ACOT13: variants seen among roughly 807,000 people sequenced by gnomAD.
The protein encoded by ACOT13 is acyl-coenzyme A thioesterase 13.
Under a neutral mutation model 11.8 loss-of-function variants are expected in ACOT13, and 10 were observed. The observed-to-expected ratio is 0.85, with a 90% CI of 0.53 to 1.44. The LOEUF (loss-of-function observed/expected upper bound fraction) is 1.44, where lower values mean the gene tolerates loss of function less well. Ranked by LOEUF, ACOT13 falls within the 40% of genes most tolerant of loss-of-function variation. ACOT13 has a pLI of 0.00. For missense variants in ACOT13, 172 were observed against 174.1 expected, an observed-to-expected ratio of 0.99 and a Z score of 0.07; for synonymous variants, 53 against 61.0, an observed-to-expected ratio of 0.87 and a Z score of 0.61.
chr6:24,689,206 C>CT (rs1315300599), intron 1 of ACOT13, among the ~76,000 whole-genome samples: 1 of 151,632 alleles, frequency 6.6e-6, no homozygotes, highest in Non-Finnish European at 1.5e-5. Flanking sequence ...ACCCAGCTAT[C>CT]TAATTTTGTC....
chr6:24,696,632 C>G (rs1268905875), intron 1 of ACOT13, among the ~76,000 whole-genome samples: 1 of 152,186 alleles, frequency 6.6e-6, no homozygotes, highest in Non-Finnish European at 1.5e-5. Flanking sequence ...GTTTTGGATG[C>G]AGCACATTCC....
Position 24,701,550 on chromosome 6 carries a change from C to G in ACOT13, c.358C>G (p.Leu120Val). 1 of 1,613,902 alleles carries G rather than the reference C, an allele frequency of 6.2e-7. No individual in the cohort carries two copies. ...GKTLAFTSVD[L>V]TNKATGKLIA... ...AACACTTGCATTTACCTCTGTGGAT[C>G]TGACCAACAAGGCCACAGGAAAATT... The change falls in exon 3 of 3, where the codon CTG becomes GTG. Residue 120 changes from leucine (L) to valine (V), a missense_variant. Coordinates refer to ENST00000230048, the MANE Select transcript of ACOT13 (RefSeq NM_018473.4).
Position 24,686,810 on chromosome 6 carries a change from CCTT to C in ACOT13, c.82-11072_82-11070del, listed in dbSNP as rs1778639045. ...CAACCTCCTGGGCTCAAGCAATCCT[CCTT>C]GTCTCAGCCTCCCATGTAGCTGGGA... On this transcript the variant is annotated intron_variant, in intron 1 of 2. Transcript: ENST00000230048. 2.0e-5 allele frequency among the ~76,000 whole-genome samples: 3 copies of C among 152,218 alleles called. No individual in the cohort carries two copies. In the East Asian group the frequency reaches 5.8e-4, roughly 29 times the overall value.
chr6:24,687,988 C>T, intron 1 of ACOT13, among the ~76,000 whole-genome samples: 1 of 151,914 alleles, frequency 6.6e-6, no homozygotes, highest in Non-Finnish European at 1.5e-5. Context: ...GCTAGGATTA[C>T]AGGTGTGAGC....
At chr6:24,669,212 A>G (rs1582430987) in intron 1 of ACOT13, among the ~76,000 whole-genome samples, 2 of 152,372 alleles carry the variant, frequency 1.3e-5, no homozygotes, top group African/African-American at 2.4e-5. Context: ...CAAGGTGGTC[A>G]GAGCACAGCT....
chr6:24,702,982 G>A lies in ACOT13; in HGVS notation c.*1367G>A, dbSNP rs1778919042. 6.6e-6 allele frequency: 1 copy of A among 152,206 alleles called. No homozygotes were observed. The highest frequency in any genetic ancestry group is 6.5e-5 in the Admixed American group (1 of 15,288). The allele number at this position is 152,206 out of a possible 1,614,324, so 9.4% of individuals were successfully genotyped here. A position where few individuals can be genotyped will look rare whatever the true frequency, so the allele number is the denominator to read the frequency against. ...GCTTCCCATAGCCTCAAAATCCCAG[G>A]CTCAAGACATTCTTCCACCTCAGTC... On this transcript the variant is annotated 3_prime_UTR_variant, in exon 3 of 3. Coordinates refer to ENST00000230048, the MANE Select transcript of ACOT13 (RefSeq NM_018473.4).
intron 1 of ACOT13, among the ~76,000 whole-genome samples, chr6:24,689,326 C>T (rs1034034659): frequency 9.9e-5 from 15 of 151,836 alleles, no homozygotes; most frequent in Admixed American, 7.9e-4. Flanking sequence ...TAGGGAATAC[C>T]ACACAGCTAT....
intron 1 of ACOT13, among the ~76,000 whole-genome samples, chr6:24,695,103 G>A (rs559653709): frequency 6.6e-6 from 1 of 152,250 alleles, no homozygotes; most frequent in South Asian, 2.1e-4. Context: ...GAGGTCAAGA[G>A]TTCAAGACCA....
chr6:24,701,455 C>A lies in ACOT13; in HGVS notation c.267-4C>A. Reference sequence around the variant, plus strand: ...GCTGTTAACTATATTCATTTTCTTTCAAGGTACATGTCACCTGCAAAATTA... The same window carrying A: ...GCTGTTAACTATATTCATTTTCTTTAAAGGTACATGTCACCTGCAAAATTA... On this transcript the variant is annotated splice_polypyrimidine_tract_variant and splice_region_variant and intron_variant, in intron 2 of 2. Transcript: ENST00000230048. 6.3e-7 allele frequency: 1 copy of A among 1,598,254 alleles called. No homozygotes were observed. The highest frequency in any genetic ancestry group is 1.7e-5 in the Admixed American group (1 of 57,314).
In ACOT13 at chr6:24,704,130, T is replaced by C. The variant is rs1051756495; in HGVS notation, c.*2515T>C. ...GAGTTTGGTAATTTTACTCTAGTTA[T>C]ATGAAATATTCTTGTACTTGGAACA... On this transcript the variant is annotated 3_prime_UTR_variant, in exon 3 of 3. Coordinates refer to ENST00000230048, the MANE Select transcript of ACOT13 (RefSeq NM_018473.4). 2.0e-5 allele frequency: 3 copies of C among 152,192 alleles called. No homozygotes were observed. Among genetic ancestry groups the C allele is most frequent in the African/African-American group, 7.2e-5 (3 of 41,440 alleles). 9.4% of individuals were successfully genotyped at this position (152,192 alleles called of 1,614,324 possible). A position where few individuals can be genotyped will look rare whatever the true frequency, so the allele number is the denominator to read the frequency against.
At chr6:24,680,532 C>T (rs1778530131) in intron 1 of ACOT13, among the ~76,000 whole-genome samples, 1 of 152,112 alleles carries the variant, frequency 6.6e-6, no homozygotes. Context: ...GGGTGCGTAA[C>T]CACCCATGGA....
At chr6:24,684,512 G>A (rs1778599298) in intron 1 of ACOT13, among the ~76,000 whole-genome samples, 1 of 151,464 alleles carries the variant, frequency 6.6e-6, no homozygotes, top group South Asian at 2.1e-4. Context: ...GGCAGTGATG[G>A]TAACTTGCCT....
rs1406325902 is a variant in ACOT13 at position 24,701,810 on chromosome 6, C to A, written c.*195C>A. 1 of 498,392 alleles carries A rather than the reference C, an allele frequency of 2.0e-6. No homozygotes were observed. Among genetic ancestry groups the A allele is most frequent in the Non-Finnish European group, 3.4e-6 (1 of 294,104 alleles). The allele number at this position is 498,392 out of a possible 1,614,324, so 30.9% of individuals were successfully genotyped here. A position where few individuals can be genotyped will look rare whatever the true frequency, so the allele number is the denominator to read the frequency against. On this transcript the variant is annotated 3_prime_UTR_variant, in exon 3 of 3. Transcript: ENST00000230048. ...CACTTTAAGCATCTTGTTTTCTAAT[C>A]ATGTGTGATAATTGGGTGAAAAATT...
In ACOT13 at chr6:24,704,066, C is replaced by T. The variant is rs773269931; in HGVS notation, c.*2451C>T. 6.6e-6 allele frequency: 1 copy of T among 152,020 alleles called. No individual in the cohort carries two copies. The highest frequency in any genetic ancestry group is 1.5e-5 in the Non-Finnish European group (1 of 68,006). The allele number at this position is 152,020 out of a possible 1,614,324, so 9.4% of individuals were successfully genotyped here. A position where few individuals can be genotyped will look rare whatever the true frequency, so the allele number is the denominator to read the frequency against. The stretch of plus-strand genomic sequence containing the variant: ...CAAGCTACCAAGGATACTGGGACAA[C>T]AAAACGAATATGGATGATAAAGAGT... On this transcript the variant is annotated 3_prime_UTR_variant, in exon 3 of 3. Coordinates refer to ENST00000230048, the MANE Select transcript of ACOT13 (RefSeq NM_018473.4).
chr6:24,692,629 G>A (rs1778735007), intron 1 of ACOT13, among the ~76,000 whole-genome samples: 1 of 152,010 alleles, frequency 6.6e-6, no homozygotes, highest in Non-Finnish European at 1.5e-5. Flanking sequence ...GTGTTGCCCA[G>A]GCTGGTCTCA....
intron 1 of ACOT13, among the ~76,000 whole-genome samples, chr6:24,690,043 CTG>C (rs977407023): frequency 2.0e-5 from 3 of 152,148 alleles, no homozygotes; most frequent in Non-Finnish European, 2.9e-5. Context: ...TAAGAAAAAA[CTG>C]TAGTTTTTAC....
chr6:24,686,805 ATCC>A (rs1437661767), intron 1 of ACOT13, among the ~76,000 whole-genome samples: 1 of 151,928 alleles, frequency 6.6e-6, no homozygotes, highest in Non-Finnish European at 1.5e-5. Flanking sequence ...GGCTCAAGCA[ATCC>A]TCCTTGTCTC....
At position 24,702,000 on chromosome 6, in the gene ACOT13, A is replaced by G. The variant is rs1778900846; in HGVS notation, c.*385A>G. 1 of 157,300 alleles carries G rather than the reference A, an allele frequency of 6.4e-6. No homozygotes were observed. Among genetic ancestry groups the G allele is most frequent in the Non-Finnish European group, 1.4e-5 (1 of 71,392 alleles). The allele number at this position is 157,300 out of a possible 1,614,324, so 9.7% of individuals were successfully genotyped here. A position where few individuals can be genotyped will look rare whatever the true frequency, so the allele number is the denominator to read the frequency against. ...AACAACAGAAATTTTTCATGGTTCT[A>G]GAAGCTGGAAAGTCCTGGGTCAAGG... On this transcript the variant is annotated 3_prime_UTR_variant, in exon 3 of 3. Transcript: ENST00000230048.
chr6:24,704,037 AAAAC>A lies in ACOT13; in HGVS notation c.*2425_*2428del, dbSNP rs1351541190. 4 of 152,178 alleles carry A rather than the reference AAAAC, an allele frequency of 2.6e-5. No individual in the cohort carries two copies. The highest frequency in any genetic ancestry group is 2.6e-4 in the Admixed American group (4 of 15,278). 9.4% of individuals were successfully genotyped at this position (152,178 alleles called of 1,614,324 possible). On this transcript the variant is annotated 3_prime_UTR_variant, in exon 3 of 3. Transcript: ENST00000230048. Reference sequence around the variant, plus strand: ...TCCTGTACTCTAGAGGGGGGGATCTAAAACAAGCTACCAAGGATACTGGGACAAC... The same window carrying A: ...TCCTGTACTCTAGAGGGGGGGATCTAAAGCTACCAAGGATACTGGGACAAC...
Sources: allele counts gnomAD v4.1 joint callset (sites outside exome capture counted in the v4.1 genomes callset), GRCh38; gene constraint gnomAD v4.1.1; transcripts MANE v1.5; gene names NCBI Gene and HGNC (gene_info 2026-07-23, HGNC 2026-07-21).